VPS13A: variants seen among roughly 807,000 people sequenced by gnomAD.
VPS13A encodes vacuolar protein sorting 13 homolog A, also known as intermembrane lipid transfer protein VPS13A.
VPS13A carries 264 observed loss-of-function variants against 390.9 expected under a neutral mutation model. The ratio of observed to expected loss-of-function variants is 0.68; its 90% CI spans 0.61 to 0.75. The LOEUF (loss-of-function observed/expected upper bound fraction) is 0.75, where lower values mean the gene tolerates loss of function less well. VPS13A is among the 30% of genes least tolerant of loss of function. VPS13A has a pLI of 0.00. For synonymous variants in VPS13A, 1,231 were observed against 1,227.1 expected, an observed-to-expected ratio of 1.00 and a Z score of -0.07; for missense variants, 3,409 against 3,733.9, an observed-to-expected ratio of 0.91 and a Z score of 2.27.
chr9:77,308,213 CT>C (rs1390098211), intron 35 of VPS13A, 115 bp downstream of exon 35: 10 of 1,130,940 alleles, frequency 8.8e-6, no homozygotes, highest in Non-Finnish European at 1.2e-5. Flanking sequence ...TTTCTCCCTC[CT>C]TTCCTTCTTT....
rs1399985267 is a variant in VPS13A, at chr9:77,353,423, T to C, written c.7434T>C (p.Pro2478=). 1 of 1,599,308 alleles carries C rather than the reference T, an allele frequency of 6.3e-7. No homozygotes were observed. Among genetic ancestry groups the C allele is most frequent in the South Asian group, 1.1e-5 (1 of 90,220 alleles). ...TTTTATTCTAGGATATGATGATGCC[T>C]ATAGATTTGGGGGAAAAGACAATAT... is the stretch of plus-strand genomic sequence containing the variant. ...EVTQKDDMMM[P]IDLGEKTIYL... Residue 2478 remains proline (P), a synonymous_variant, in exon 54 of 72, where the codon CCT becomes CCC. Coordinates refer to ENST00000360280, the MANE Select transcript of VPS13A (RefSeq NM_033305.3).
At chr9:77,316,046 T>A (rs1829361101) in intron 38 of VPS13A, 128 bp from the exon 39 acceptor site, 4 of 429,536 alleles carry the variant, frequency 9.3e-6, no homozygotes, top group Non-Finnish European at 1.4e-5. Context: ...GGGTTGTAGT[T>A]GATTCCTTTG....
chr9:77,400,599 G>A (rs1208975155), intron 68 of VPS13A, among the ~76,000 whole-genome samples: 4 of 151,594 alleles, frequency 2.6e-5, no homozygotes, highest in South Asian at 2.1e-4. Context: ...AGGCAGAGGC[G>A]GGCAGATCAG....
At chr9:77,358,258 C>G in intron 56 of VPS13A, 99 bp from the exon 57 acceptor site, 1 of 1,108,568 alleles carries the variant, frequency 9.0e-7, no homozygotes, top group Non-Finnish European at 1.3e-6. Context: ...GCTTGGTCAC[C>G]GCTAGACTTT....
At chr9:77,386,341 A>G (rs1290003345) in intron 68 of VPS13A, among the ~76,000 whole-genome samples, 6 of 152,216 alleles carry the variant, frequency 3.9e-5, no homozygotes, top group Admixed American at 2.0e-4. Context: ...TTACATTCCA[A>G]CTTTGCTAGT....
chr9:77,375,537 G>A (rs1833017246), intron 67 of VPS13A, among the ~76,000 whole-genome samples: 1 of 152,034 alleles, frequency 6.6e-6, no homozygotes, highest in East Asian at 1.9e-4. Context: ...AAGGTAATTA[G>A]GTAATGATAA....
chr9:77,348,242 G>C lies in VPS13A; in HGVS notation c.7290-3075G>C, dbSNP rs576789679. Among the ~76,000 whole-genome samples the C allele has an allele frequency of 1.3e-3, 198 of 152,194 alleles. 1 individual carries two copies. Among genetic ancestry groups the C allele is most frequent in the Non-Finnish European group, 2.3e-3 (154 of 68,040 alleles). On this transcript the variant is annotated intron_variant, in intron 52 of 71. Coordinates refer to ENST00000360280, the MANE Select transcript of VPS13A (RefSeq NM_033305.3). ...TCAACCCAAATGCCCATCAACGATAGACTGGATGAAGAAAATGTGGTACAT... is the reference window on the plus strand; with the variant it reads ...TCAACCCAAATGCCCATCAACGATACACTGGATGAAGAAAATGTGGTACAT...
chr9:77,208,667 A>G (rs1012652306), intron 5 of VPS13A, among the ~76,000 whole-genome samples: 2 of 151,922 alleles, frequency 1.3e-5, no homozygotes, highest in African/African-American at 4.8e-5. Flanking sequence ...CTCCTGCCTC[A>G]GCCTCCCAAG....
chr9:77,371,616 A>G lies in VPS13A; in HGVS notation c.9077+467A>G, dbSNP rs1832754468. Among the ~76,000 whole-genome samples, 4 of 152,018 alleles carry G rather than the reference A, an allele frequency of 2.6e-5. No individual in the cohort carries two copies. The South Asian group carries it at 6.3e-4, about 24-fold the overall frequency. On this transcript the variant is annotated intron_variant, in intron 67 of 71. Coordinates refer to ENST00000360280, the MANE Select transcript of VPS13A (RefSeq NM_033305.3). ...AACCATAGCAGTTACCAGCACTACAATATGGCAGGTTGCATATGGTCTTCC... is the reference window on the plus strand; with the variant it reads ...AACCATAGCAGTTACCAGCACTACAGTATGGCAGGTTGCATATGGTCTTCC...
At chr9:77,177,849 G>A (rs373206139) in intron 1 of VPS13A, 45 bp downstream of exon 1, 515 of 1,558,938 alleles carry the variant, frequency 3.3e-4, no homozygotes, top group Non-Finnish European at 4.2e-4. Context: ...CGTGCTTCCC[G>A]GCCGTCTCGC....
intron 32 of VPS13A, among the ~76,000 whole-genome samples, chr9:77,294,602 A>G (rs1574144): frequency 0.19 from 28,671 of 152,174 alleles, 2,885 homozygotes; most frequent in Middle Eastern, 0.26. Flanking sequence ...CAAAATTCTA[A>G]GTTAATTCCA....
intron 1 of VPS13A, among the ~76,000 whole-genome samples, chr9:77,190,589 A>G (rs1052161785): frequency 5.3e-4 from 80 of 152,322 alleles, no homozygotes; most frequent in Admixed American, 2.5e-3. Flanking sequence ...CTGGCTTCAT[A>G]AAATAAAATG....
At chr9:77,318,035 T>G (rs1829508829) in intron 40 of VPS13A, among the ~76,000 whole-genome samples, 200 bp from the exon 41 acceptor site, 1 of 151,968 alleles carries the variant, frequency 6.6e-6, no homozygotes, top group Non-Finnish European at 1.5e-5. Flanking sequence ...AAGATTCATG[T>G]AAATATCTGC....
intron 6 of VPS13A, among the ~76,000 whole-genome samples, chr9:77,210,404 T>C (rs1158680887): frequency 1.1e-5 from 1 of 87,786 alleles, no homozygotes; most frequent in Non-Finnish European, 2.1e-5. Flanking sequence ...CCACCAGGCC[T>C]GGCTAATTTT....
At chr9:77,281,675 T>TA in intron 27 of VPS13A, among the ~76,000 whole-genome samples, 192 bp from the exon 28 acceptor site, 1 of 152,100 alleles carries the variant, frequency 6.6e-6, no homozygotes, top group South Asian at 2.1e-4. Flanking sequence ...GTCCAATACT[T>TA]ACATTTTCTT....
chr9:77,251,492 C>A (rs1825143144), intron 21 of VPS13A, among the ~76,000 whole-genome samples: 1 of 152,058 alleles, frequency 6.6e-6, no homozygotes, highest in Admixed American at 6.6e-5. Flanking sequence ...GTTGCACATC[C>A]TTTTAGTATG....
At chr9:77,407,903 A>G (rs1224664193) in intron 71 of VPS13A, among the ~76,000 whole-genome samples, 3 of 152,182 alleles carry the variant, frequency 2.0e-5, no homozygotes. Flanking sequence ...ACAAAAATTA[A>G]TTATTTTGTT....
Position 77,344,299 on chromosome 9 carries a change from T to C in VPS13A, c.7155+18T>C, listed in dbSNP as rs778882384. ...ATAACGAGGTAAGTTTTTTTTTCTT[T>C]TTTGCATGTGTCATTAGGAAAGCTA... On this transcript the variant is annotated intron_variant, in intron 51 of 71. Transcript: ENST00000360280. 1.2e-6 allele frequency: 2 copies of C among 1,612,318 alleles called. No individual in the cohort carries two copies. The highest frequency in any genetic ancestry group is 2.2e-5 in the East Asian group (1 of 44,672).
intron 46 of VPS13A, among the ~76,000 whole-genome samples, chr9:77,332,924 T>C (rs1830352979): frequency 6.6e-6 from 1 of 152,120 alleles, no homozygotes; most frequent in Admixed American, 6.5e-5. Flanking sequence ...TCCTCAATGC[T>C]CCGAAGACAA....
Sources: gnomAD v4.1 joint callset for allele counts (sites outside exome capture counted in the v4.1 genomes callset) on GRCh38, gnomAD v4.1.1 for gene constraint, MANE v1.5 for transcripts, NCBI Gene and HGNC (gene_info 2026-07-23, HGNC 2026-07-21) for gene names.